Variants in PTPRN2 observed in about 807,000 individuals in gnomAD.
PTPRN2 encodes protein tyrosine phosphatase receptor type N2, also known as receptor-type tyrosine-protein phosphatase N2.
In PTPRN2, 74 loss-of-function variants were observed where a neutral mutation model predicts 118.8. That is an observed-to-expected ratio of 0.62 (90% CI 0.52 to 0.76). The LOEUF is 0.76. Among genes scored for constraint, PTPRN2 ranks in the 30% least tolerant of loss-of-function variants. PTPRN2 has a pLI of 0.00. For missense variants in PTPRN2, 1,481 were observed against 1,394.4 expected (o/e 1.06, Z -0.99); for synonymous variants, 641 against 608.0 (o/e 1.05, Z -0.80).
rs1563245854 is a variant in PTPRN2, at chr7:157,927,202, C to CGAAGACAG, written c.1724-28466_1724-28465insCTGTCTTC. Among the ~76,000 whole-genome samples the CGAAGACAG allele has an allele frequency of 2.2e-4, 11 of 49,050 alleles. 1 individual carries two copies. The highest frequency in any genetic ancestry group is 6.3e-4 in the East Asian group (1 of 1,594). The allele number at this position is 49,050 out of a possible 152,430, so 32.2% of individuals were successfully genotyped here. ...AGAGGCCTCGCGTCTTCTGGGACCC[C>CGAAGACAG]AAAGACAGGAAGCCCCAGGGACCCG... is the stretch of plus-strand genomic sequence containing the variant. On this transcript the variant is annotated intron_variant, in intron 11 of 22. Transcript: ENST00000389418.
At chr7:158,449,437 G>A (rs1345845177) in intron 2 of PTPRN2, among the ~76,000 whole-genome samples, 1 of 152,184 alleles carries the variant, frequency 6.6e-6, no homozygotes, top group Non-Finnish European at 1.5e-5. Flanking sequence ...AAGAGAGGAC[G>A]ATGCACAGAT....
chr7:157,783,040 A>C (rs551950026), intron 12 of PTPRN2, among the ~76,000 whole-genome samples: 3 of 152,116 alleles, frequency 2.0e-5, no homozygotes, highest in Non-Finnish European at 4.4e-5. Context: ...ATAGTGACCG[A>C]GTTCTCACAA....
chr7:157,934,168 T>C (rs1289786812), intron 11 of PTPRN2, among the ~76,000 whole-genome samples: 2 of 152,252 alleles, frequency 1.3e-5, no homozygotes. Context: ...GTATCACTTG[T>C]TAAGCGCTGC....
intron 12 of PTPRN2, among the ~76,000 whole-genome samples, chr7:157,834,709 C>T (rs552009308): frequency 4.6e-5 from 7 of 152,234 alleles, no homozygotes; most frequent in Non-Finnish European, 7.3e-5. Context: ...CACGGGGCTG[C>T]GGGCCCAGCC....
chr7:158,196,245 T>G (rs1826202781), intron 4 of PTPRN2, among the ~76,000 whole-genome samples: 1 of 152,192 alleles, frequency 6.6e-6, no homozygotes, highest in Non-Finnish European at 1.5e-5. Context: ...CAGGGCTCTC[T>G]GTGCACTCTT....
chr7:158,125,461 T>C (rs1390773704), intron 9 of PTPRN2, among the ~76,000 whole-genome samples: 2 of 152,088 alleles, frequency 1.3e-5, no homozygotes, highest in East Asian at 3.8e-4. Context: ...GGAGAGTTTT[T>C]GTTTACTTCT....
chr7:158,331,002 C>A (rs1221734060), intron 2 of PTPRN2, among the ~76,000 whole-genome samples: 9 of 78,854 alleles, frequency 1.1e-4, no homozygotes, highest in African/African-American at 1.9e-4. Context: ...GAGCTGACAC[C>A]CGCAGACGTC....
intron 19 of PTPRN2, among the ~76,000 whole-genome samples, chr7:157,576,347 T>G (rs1800038905): frequency 6.6e-6 from 1 of 152,226 alleles, no homozygotes. Flanking sequence ...CTGAAGAACC[T>G]TATCAAAAAT....
intron 5 of PTPRN2, among the ~76,000 whole-genome samples, chr7:158,175,816 G>T (rs1824139661): frequency 1.3e-5 from 2 of 152,146 alleles, no homozygotes; most frequent in African/African-American, 2.4e-5. Flanking sequence ...GTATCACGGG[G>T]TGCCAATGTG....
At chr7:158,259,429 G>A (rs1797243293) in intron 3 of PTPRN2, among the ~76,000 whole-genome samples, 1 of 152,192 alleles carries the variant, frequency 6.6e-6, no homozygotes, top group Non-Finnish European at 1.5e-5. Flanking sequence ...AGGGAAGAGT[G>A]ACATCACAGA....
chr7:158,264,651 G>A (rs1773839625), intron 3 of PTPRN2, among the ~76,000 whole-genome samples: 2 of 152,120 alleles, frequency 1.3e-5, no homozygotes, highest in South Asian at 4.1e-4. Context: ...ATGGTCTCAG[G>A]TCCCTTGCGG....
chr7:157,966,488 C>T (rs887091642), intron 11 of PTPRN2, among the ~76,000 whole-genome samples: 1 of 151,382 alleles, frequency 6.6e-6, no homozygotes, highest in Non-Finnish European at 1.5e-5. Flanking sequence ...CATCACAATC[C>T]CCATTATCAC....
intron 2 of PTPRN2, among the ~76,000 whole-genome samples, chr7:158,354,008 C>T (rs1207398495): frequency 6.6e-6 from 1 of 152,186 alleles, no homozygotes; most frequent in Non-Finnish European, 1.5e-5. Context: ...AGTGGCCACT[C>T]GCAGCCCCAC....
intron 3 of PTPRN2, among the ~76,000 whole-genome samples, chr7:158,279,447 C>T (rs1463690323): frequency 1.3e-5 from 2 of 152,170 alleles, no homozygotes; most frequent in Non-Finnish European, 2.9e-5. Context: ...GGCCCCTAGC[C>T]CGGGCACTCC....
intron 11 of PTPRN2, among the ~76,000 whole-genome samples, chr7:158,057,904 T>A (rs1388578667): frequency 6.6e-6 from 1 of 152,246 alleles, no homozygotes; most frequent in African/African-American, 2.4e-5. Context: ...GGTCTACGAA[T>A]ACGACATTAT....
At chr7:157,889,473 C>T (rs1293566640) in intron 12 of PTPRN2, among the ~76,000 whole-genome samples, 4 of 152,362 alleles carry the variant, frequency 2.6e-5, no homozygotes, top group East Asian at 1.9e-4. Context: ...ACCCCATTCA[C>T]GGAGTGCCTC....
chr7:158,192,619 C>A, intron 4 of PTPRN2, 124 bp from the exon 5 acceptor site: 3 of 1,098,546 alleles, frequency 2.7e-6, no homozygotes, highest in Non-Finnish European at 3.8e-6. Flanking sequence ...GCCGGCCTGG[C>A]CTTGCTGCTC....
intron 11 of PTPRN2, among the ~76,000 whole-genome samples, chr7:158,065,734 G>A (rs1019925845): frequency 8.5e-5 from 13 of 152,112 alleles, no homozygotes; most frequent in African/African-American, 9.7e-5. Flanking sequence ...AAAACTCCAC[G>A]AGGACCTTAA....
Position 157,858,083 on chromosome 7 carries a change from T to C in PTPRN2, c.1788+40590A>G, listed in dbSNP as rs201789496. Among the ~76,000 whole-genome samples, 186 of 75,466 alleles carry C rather than the reference T, an allele frequency of 2.5e-3. 2 individuals carry two copies. The highest frequency in any genetic ancestry group is 7.1e-3 in the Middle Eastern group (1 of 140). 49.5% of individuals were successfully genotyped at this position (75,466 alleles called of 152,430 possible). A position where few individuals can be genotyped will look rare whatever the true frequency, so the allele number is the denominator to read the frequency against. On this transcript the variant is annotated intron_variant, in intron 12 of 22. Transcript: ENST00000389418. ...CCACACTCCTGCAGGGAGAACCCCG[T>C]CACCACCCACACTCCTGCAGGGAGA...
Sources: gnomAD v4.1 joint callset for allele counts (sites outside exome capture counted in the v4.1 genomes callset) on GRCh38, gnomAD v4.1.1 for gene constraint, MANE v1.5 for transcripts, NCBI Gene and HGNC (gene_info 2026-07-23, HGNC 2026-07-21) for gene names.